MAN1A2: variants seen among roughly 807,000 people sequenced by gnomAD.
The protein encoded by MAN1A2 is mannosidase alpha class 1A member 2.
MAN1A2 carries 26 observed loss-of-function variants against 75.7 expected under a neutral mutation model. The observed-to-expected ratio is 0.34, with a 90% CI of 0.25 to 0.48. The LOEUF (loss-of-function observed/expected upper bound fraction) is 0.48. Ranked by LOEUF, MAN1A2 falls within the 20% of genes least tolerant of loss-of-function variation. MAN1A2 has a pLI of 0.99. For synonymous variants in MAN1A2, 247 were observed against 264.6 expected, an observed-to-expected ratio of 0.93 and a Z score of 0.65; for missense variants, 562 against 775.5, an observed-to-expected ratio of 0.72 and a Z score of 3.27.
chr1:117,445,949 AATTTATATAT>A (rs1453183439), intron 6 of MAN1A2, among the ~76,000 whole-genome samples: 1 of 144,346 alleles, frequency 6.9e-6, no homozygotes, highest in Non-Finnish European at 1.5e-5. Context: ...TTTATATATA[AATTTATATAT>A]ATTTATATAT....
chr1:117,516,645 C>T (rs1651720363), intron 12 of MAN1A2, among the ~76,000 whole-genome samples: 1 of 152,066 alleles, frequency 6.6e-6, no homozygotes, highest in African/African-American at 2.4e-5. Flanking sequence ...AGACAGGAGG[C>T]AATGAAGGAC....
intron 8 of MAN1A2, among the ~76,000 whole-genome samples, chr1:117,474,978 C>T (rs1650271187): frequency 1.3e-5 from 2 of 151,878 alleles, no homozygotes; most frequent in Admixed American, 1.3e-4. Flanking sequence ...CTTCTTTCAG[C>T]ATAATTATTT....
rs543089061 is a variant in MAN1A2 at position 117,526,814 on chromosome 1, A to C, written c.*3857A>C. On this transcript the variant is annotated 3_prime_UTR_variant, in exon 13 of 13. Coordinates refer to ENST00000356554, the MANE Select transcript of MAN1A2 (RefSeq NM_006699.5). The stretch of plus-strand genomic sequence containing the variant: ...GTTATTTTTCTTTAGGTTTCCTTAT[A>C]CTCAAATTGGCTAGGTCCTATCTTT... The C allele has an allele frequency of 1.4e-5, 2 of 139,962 alleles. No homozygotes were observed. Among genetic ancestry groups the C allele is most frequent in the Admixed American group, 1.5e-4 (2 of 13,628 alleles). The allele number at this position is 139,962 out of a possible 1,614,324, so 8.7% of individuals were successfully genotyped here.
chr1:117,375,917 T>TTG (rs1653121359), intron 1 of MAN1A2, among the ~76,000 whole-genome samples: 1 of 149,816 alleles, frequency 6.7e-6, no homozygotes, highest in Non-Finnish European at 1.5e-5. Context: ...TAATTTATGT[T>TTG]TTTTTTTTTT....
chr1:117,479,311 G>A (rs1650418882), intron 8 of MAN1A2, among the ~76,000 whole-genome samples: 1 of 151,952 alleles, frequency 6.6e-6, no homozygotes, highest in Admixed American at 6.6e-5. Flanking sequence ...ATTCCATGAT[G>A]TGTATGTACC....
At chr1:117,404,497 G>A (rs991431451) in intron 2 of MAN1A2, among the ~76,000 whole-genome samples, 1 of 152,100 alleles carries the variant, frequency 6.6e-6, no homozygotes, top group Non-Finnish European at 1.5e-5. Flanking sequence ...AGATATTATT[G>A]TGAGTGTTAA....
intron 1 of MAN1A2, among the ~76,000 whole-genome samples, chr1:117,393,975 C>T (rs1207298903): frequency 6.6e-6 from 1 of 152,084 alleles, no homozygotes; most frequent in Non-Finnish European, 1.5e-5. Context: ...TACTGAGTAC[C>T]TGCTGTCTGC....
intron 11 of MAN1A2, among the ~76,000 whole-genome samples, chr1:117,500,250 C>T (rs1389929802): frequency 6.6e-6 from 1 of 151,910 alleles, no homozygotes; most frequent in African/African-American, 2.4e-5. Context: ...GTGCACAACT[C>T]CCTCCCCGTA....
rs145303798 is a variant in MAN1A2 at position 117,422,930 on chromosome 1, A to G, written c.855+2281A>G. ...GTTAATCTGGAAGTACAATTTACTA[A>G]TTTTGTCTTTTATGGTTCATGCATT... On this transcript the variant is annotated intron_variant, in intron 5 of 12. Transcript: ENST00000356554. Among the ~76,000 whole-genome samples, 739 of 152,182 alleles carry G rather than the reference A, an allele frequency of 4.9e-3. 10 individuals carry two copies. The highest frequency in any genetic ancestry group is 0.017 in the African/African-American group (715 of 41,544).
At chr1:117,495,847 T>C (rs566417346) in intron 9 of MAN1A2, among the ~76,000 whole-genome samples, 71 of 152,034 alleles carry the variant, frequency 4.7e-4, no homozygotes, top group Middle Eastern at 3.4e-3. Flanking sequence ...CAAAAACTTA[T>C]AATCCAAAGA....
At chr1:117,521,494 A>G (rs1651869964) in intron 12 of MAN1A2, among the ~76,000 whole-genome samples, 1 of 152,012 alleles carries the variant, frequency 6.6e-6, no homozygotes, top group South Asian at 2.1e-4. Context: ...TACACCTGCA[A>G]GAATGGCCAT....
At chr1:117,439,832 A>G (rs10923296) in intron 5 of MAN1A2, among the ~76,000 whole-genome samples, 2 of 152,102 alleles carry the variant, frequency 1.3e-5, no homozygotes, top group Non-Finnish European at 2.9e-5. Context: ...TCTTTGTGTT[A>G]ACAAGATATC....
At chr1:117,435,318 T>C (rs1221600871) in intron 5 of MAN1A2, among the ~76,000 whole-genome samples, 2 of 152,106 alleles carry the variant, frequency 1.3e-5, no homozygotes, top group East Asian at 3.9e-4. Flanking sequence ...GCCAGATAGA[T>C]GAGGATAAAC....
intron 6 of MAN1A2, among the ~76,000 whole-genome samples, chr1:117,453,461 A>T (rs1037619167): frequency 6.6e-6 from 1 of 152,172 alleles, no homozygotes; most frequent in Non-Finnish European, 1.5e-5. Context: ...CTCATGGGTG[A>T]TTTTGAAGGG....
intron 5 of MAN1A2, among the ~76,000 whole-genome samples, chr1:117,439,011 A>G (rs1481900165): frequency 6.6e-6 from 1 of 152,270 alleles, no homozygotes; most frequent in Admixed American, 6.5e-5. Flanking sequence ...ATGAAAAGGT[A>G]ACATTTGTGT....
chr1:117,524,941 CA>C lies in MAN1A2; in HGVS notation c.*1986del. On this transcript the variant is annotated 3_prime_UTR_variant, in exon 13 of 13. Coordinates refer to ENST00000356554, the MANE Select transcript of MAN1A2 (RefSeq NM_006699.5). ...GTTAGCCTTCCTCGTAAAAGTAGCA[CA>C]AGCCCACTTATGAATCACTGAGAAA... 3.0e-6 allele frequency: 1 copy of C among 337,498 alleles called. No individual in the cohort carries two copies. Among genetic ancestry groups the C allele is most frequent in the South Asian group, 2.6e-5 (1 of 38,546 alleles). The allele number at this position is 337,498 out of a possible 1,614,324, so 20.9% of individuals were successfully genotyped here.
chr1:117,373,783 T>C (rs1653051238), intron 1 of MAN1A2, among the ~76,000 whole-genome samples: 1 of 152,190 alleles, frequency 6.6e-6, no homozygotes, highest in African/African-American at 2.4e-5. Context: ...TGTTAGCCAC[T>C]GCACCCAACC....
chr1:117,379,628 C>T (rs1267671345), intron 1 of MAN1A2, among the ~76,000 whole-genome samples: 2 of 152,118 alleles, frequency 1.3e-5, no homozygotes, highest in African/African-American at 2.4e-5. Context: ...TGGTTACTTT[C>T]CATTCCCTCC....
At chr1:117,425,734 C>A (rs1021286303) in intron 5 of MAN1A2, among the ~76,000 whole-genome samples, 16 of 152,142 alleles carry the variant, frequency 1.1e-4, no homozygotes, top group African/African-American at 3.9e-4. Context: ...AAACCTATAG[C>A]TAACAATATT....
Sources: allele counts gnomAD v4.1 joint callset (sites outside exome capture counted in the v4.1 genomes callset), GRCh38; gene constraint gnomAD v4.1.1; transcripts MANE v1.5; gene names NCBI Gene and HGNC (gene_info 2026-07-23, HGNC 2026-07-21).